FAM184B: variants seen among roughly 807,000 people sequenced by gnomAD.
FAM184B encodes the protein protein FAM184B.
FAM184B carries 111 observed loss-of-function variants against 135.9 expected under a neutral mutation model. The observed-to-expected ratio is 0.82, with a 90% CI of 0.70 to 0.96. FAM184B has a LOEUF of 0.96. FAM184B is among the 40% of genes least tolerant of loss of function. The pLI, the probability that FAM184B is intolerant of heterozygous loss-of-function variation, is 0.00. For missense variants in FAM184B, 1,375 were observed against 1,323.9 expected, an observed-to-expected ratio of 1.04 and a Z score of -0.60; for synonymous variants, 552 against 524.8, an observed-to-expected ratio of 1.05 and a Z score of -0.71.
At chr4:17,737,299 G>T (rs1717932742) in intron 1 of FAM184B, among the ~76,000 whole-genome samples, 1 of 151,942 alleles carries the variant, frequency 6.6e-6, no homozygotes, top group African/African-American at 2.4e-5. Flanking sequence ...TAAGAGATCT[G>T]GTCAATGTCC....
intron 7 of FAM184B, among the ~76,000 whole-genome samples, chr4:17,671,127 A>G (rs976878048): frequency 6.6e-6 from 1 of 152,180 alleles, no homozygotes; most frequent in Non-Finnish European, 1.5e-5. Context: ...AGGAGAATGC[A>G]AAACCAGACT....
intron 1 of FAM184B, among the ~76,000 whole-genome samples, chr4:17,743,181 C>T (rs1372346610): frequency 2.0e-5 from 3 of 152,156 alleles, no homozygotes; most frequent in Non-Finnish European, 4.4e-5. Context: ...TGTCCACCCT[C>T]ACCAAAAAAA....
At chr4:17,723,912 C>T (rs1717585553) in intron 1 of FAM184B, among the ~76,000 whole-genome samples, 1 of 152,164 alleles carries the variant, frequency 6.6e-6, no homozygotes, top group Non-Finnish European at 1.5e-5. Context: ...GGTTCCCTGT[C>T]TGCTGGATGG....
rs1047678902 is a variant in FAM184B at position 17,767,705 on chromosome 4, G to A, written c.141+13454C>T. Among the ~76,000 whole-genome samples the A allele has an allele frequency of 5.8e-4, 33 of 56,740 alleles. 1 individual carries two copies. The highest frequency in any genetic ancestry group is 7.9e-5 in the Non-Finnish European group (2 of 25,360). The allele number at this position is 56,740 out of a possible 152,430, so 37.2% of individuals were successfully genotyped here. A position where few individuals can be genotyped will look rare whatever the true frequency, so the allele number is the denominator to read the frequency against. The stretch of plus-strand genomic sequence containing the variant: ...CTGTCTGGATTAGTGCCCCCTCCCC[G>A]CCCCCCACCCCCCGCCAGCCCCCTT... On this transcript the variant is annotated intron_variant, in intron 1 of 17. Coordinates refer to ENST00000265018, the MANE Select transcript of FAM184B (RefSeq NM_015688.2).
intron 7 of FAM184B, among the ~76,000 whole-genome samples, chr4:17,679,963 G>C (rs1452625793): frequency 6.6e-6 from 1 of 152,134 alleles, no homozygotes; most frequent in African/African-American, 2.4e-5. Flanking sequence ...CTTATAAGTG[G>C]GGGCTAAGCT....
chr4:17,646,181 A>G lies in FAM184B; in HGVS notation c.2346+1456T>C, dbSNP rs961966715. ...TGGAAGACAGTGTGGTGATTCCTCA[A>G]GGATCTAGAACTAGAAATACCATTT... is the stretch of plus-strand genomic sequence containing the variant. On this transcript the variant is annotated intron_variant, in intron 12 of 17. Transcript: ENST00000265018. Among the ~76,000 whole-genome samples, 168 of 152,236 alleles carry G rather than the reference A, an allele frequency of 1.1e-3. 3 individuals carry two copies. The South Asian group carries it at 0.023, about 21-fold the overall frequency.
chr4:17,645,743 A>G (rs1192440822), intron 12 of FAM184B, among the ~76,000 whole-genome samples: 1 of 151,442 alleles, frequency 6.6e-6, no homozygotes, highest in Non-Finnish European at 1.5e-5. Context: ...TAATTAAACT[A>G]AAGAGCTTCT....
Position 17,707,778 on chromosome 4 carries a change from C to T in FAM184B, c.901G>A (p.Asp301Asn). Residue 301 changes from aspartate to asparagine, a missense_variant, in exon 3 of 18, where the codon GAT (aspartate) becomes AAT (asparagine). Coordinates refer to ENST00000265018, the MANE Select transcript of FAM184B (RefSeq NM_015688.2). Reference sequence around the variant, plus strand: ...TGTCGAGCCTCCTTAAGCTGCACATCCAGGTCCTAAACAGACAGGAAGGGT... The same window carrying T: ...TGTCGAGCCTCCTTAAGCTGCACATTCAGGTCCTAAACAGACAGGAAGGGT... ...QKLKERIQDL[D>N]VQLKEARQEN... is the part of the protein sequence containing the mutation. 1.3e-6 allele frequency: 2 copies of T among 1,551,996 alleles called. No homozygotes were observed. Among genetic ancestry groups the T allele is most frequent in the Non-Finnish European group, 1.7e-6 (2 of 1,147,042 alleles).
At chr4:17,772,854 T>C (rs528555056) in intron 1 of FAM184B, among the ~76,000 whole-genome samples, 1 of 152,140 alleles carries the variant, frequency 6.6e-6, no homozygotes, top group African/African-American at 2.4e-5. Context: ...CCCTGTAAAA[T>C]TGATGTGTAG....
intron 11 of FAM184B, among the ~76,000 whole-genome samples, chr4:17,648,136 C>T (rs1489942765): frequency 6.6e-6 from 1 of 151,972 alleles, no homozygotes; most frequent in African/African-American, 2.4e-5. Flanking sequence ...AGTGGTTCTT[C>T]ACTCTGAACC....
Position 17,632,530 on chromosome 4 carries a change from G to C in FAM184B, c.*2C>G. 1.9e-6 allele frequency: 3 copies of C among 1,547,710 alleles called. No homozygotes were observed. The highest frequency in any genetic ancestry group is 1.7e-6 in the Non-Finnish European group (2 of 1,143,772). Reference sequence around the variant, plus strand: ...CCTCTGTGATGTATCCCAAAGGTTAGCTTAGAAAGAAAAGTACTTGGTGAA... The same window carrying C: ...CCTCTGTGATGTATCCCAAAGGTTACCTTAGAAAGAAAAGTACTTGGTGAA... On this transcript the variant is annotated 3_prime_UTR_variant, in exon 18 of 18. Coordinates refer to ENST00000265018, the MANE Select transcript of FAM184B (RefSeq NM_015688.2).
intron 1 of FAM184B, among the ~76,000 whole-genome samples, chr4:17,753,078 C>G (rs1042350298): frequency 8.5e-5 from 13 of 152,202 alleles, no homozygotes; most frequent in African/African-American, 3.1e-4. Context: ...TAAGTTTCCT[C>G]TCACATCTAT....
chr4:17,729,472 G>A (rs1413007038), intron 1 of FAM184B, among the ~76,000 whole-genome samples: 7 of 152,328 alleles, frequency 4.6e-5, no homozygotes, highest in South Asian at 2.1e-4. Flanking sequence ...CTTGACCCCC[G>A]AGCAGCCTAA....
rs1156661037 is a variant in FAM184B, at chr4:17,705,177, T to G, written c.1200A>C (p.Glu400Asp). ...QTKKEASAET[E>D]YMKQQYEEDL... ...CTTCTTCATATTGTTGCTTCATATA[T>G]TCTGTCTCAGCACTTGCCTCTTTCT... is the stretch of plus-strand genomic sequence containing the variant. The change falls in exon 5 of 18, where the codon GAA (glutamate) becomes GAC (aspartate). Residue 400 changes from glutamate (E) to aspartate (D), a missense_variant. By Grantham distance (45) the Glu-to-Asp change is conservative (BLOSUM62 2). Transcript: ENST00000265018. 1.3e-6 allele frequency: 2 copies of G among 1,551,874 alleles called. No individual in the cohort carries two copies. Among genetic ancestry groups the G allele is most frequent in the South Asian group, 2.4e-5 (2 of 84,062 alleles).
At chr4:17,746,825 G>T (rs1325833346) in intron 1 of FAM184B, among the ~76,000 whole-genome samples, 3 of 151,782 alleles carry the variant, frequency 2.0e-5, no homozygotes, top group African/African-American at 7.3e-5. Flanking sequence ...ATCACCTGAG[G>T]TCAGGAGTTC....
chr4:17,688,452 C>A lies in FAM184B; in HGVS notation c.1568G>T (p.Arg523Leu). ...GGTCTCCAGAATGCTGCAGTGCTGG[C>A]GGCCTAATTCCTGGGGACTTTCCTC... ...GAEESPQELG[R>L]QHCSILETQD... The change falls in exon 7 of 18, where the codon CGC (arginine) becomes CTC (leucine). Residue 523 changes from arginine (R) to leucine (L), a missense_variant. Physicochemically the swap from Arg to Leu is moderately radical, Grantham distance 102. Coordinates refer to ENST00000265018, the MANE Select transcript of FAM184B (RefSeq NM_015688.2). The A allele has an allele frequency of 1.3e-6, 2 of 1,550,664 alleles. No individual in the cohort carries two copies. Among genetic ancestry groups the A allele is most frequent in the Non-Finnish European group, 1.7e-6 (2 of 1,146,666 alleles).
At chr4:17,730,876 G>A (rs28798166) in intron 1 of FAM184B, among the ~76,000 whole-genome samples, 8,460 of 151,906 alleles carry the variant, frequency 0.056, 632 homozygotes, top group African/African-American at 0.17. Context: ...AATAACCAAC[G>A]CAGAGAAGTC....
At chr4:17,763,182 G>A (rs1471265510) in intron 1 of FAM184B, among the ~76,000 whole-genome samples, 2 of 152,142 alleles carry the variant, frequency 1.3e-5, no homozygotes, top group East Asian at 1.9e-4. Flanking sequence ...AAGTCACAAT[G>A]AGGAGACTGG....
At chr4:17,663,615 AACAC>A (rs113627829) in intron 8 of FAM184B, among the ~76,000 whole-genome samples, 2,958 of 150,440 alleles carry the variant, frequency 0.02, 53 homozygotes, top group South Asian at 0.027. Context: ...TCCCATTCAC[AACAC>A]ACACACACAC....
Sources: gnomAD v4.1 joint callset for allele counts (sites outside exome capture counted in the v4.1 genomes callset) on GRCh38, gnomAD v4.1.1 for gene constraint, MANE v1.5 for transcripts, NCBI Gene and HGNC (gene_info 2026-07-23, HGNC 2026-07-21) for gene names.